Variants in NUTF2 observed in about 807,000 individuals in gnomAD.
NUTF2 encodes the protein nuclear transport factor 2, also known as placental protein 15.
NUTF2 carries 3 observed loss-of-function variants against 18.5 expected under a neutral mutation model. The ratio of observed to expected loss-of-function variants is 0.16; its 90% CI spans 0.07 to 0.42. The LOEUF (loss-of-function observed/expected upper bound fraction) is 0.42. Ranked by LOEUF, NUTF2 falls within the 10% of genes least tolerant of loss-of-function variation. The pLI is 0.99. For missense variants in NUTF2, 44 were observed against 160.7 expected (o/e 0.27, Z 3.93); for synonymous variants, 51 against 57.9 (o/e 0.88, Z 0.54).
At chr16:67,869,740 G>A (rs1392251072) in intron 4 of NUTF2, among the ~76,000 whole-genome samples, 1 of 152,150 alleles carries the variant, frequency 6.6e-6, no homozygotes, top group Non-Finnish European at 1.5e-5. Context: ...AGCTGAGATT[G>A]CACCATTGCA....
At chr16:67,848,611 G>A (rs57035397) in intron 1 of NUTF2, among the ~76,000 whole-genome samples, 1,980 of 151,768 alleles carry the variant, frequency 0.013, 27 homozygotes, top group African/African-American at 0.04. Context: ...GTGTGGTGGC[G>A]TGCACCTGTA....
chr16:67,863,958 G>T (rs1300145752), intron 1 of NUTF2, among the ~76,000 whole-genome samples: 2 of 152,196 alleles, frequency 1.3e-5, no homozygotes, highest in Non-Finnish European at 2.9e-5. Context: ...GAGAGAGACA[G>T]CTCCTTAGGG....
intron 1 of NUTF2, chr16:67,847,278 T>C (rs1479996240): frequency 6.6e-6 from 1 of 152,278 alleles, no homozygotes; most frequent in Non-Finnish European, 1.5e-5. Flanking sequence ...TTTTCTCTAG[T>C]CAGGACCGTC....
At position 67,865,293 on chromosome 16, in the gene NUTF2, T is replaced by C. The variant is rs964859478; in HGVS notation, c.99+64T>C. ...GATCAATTTGGATGTTGGGCCAGTG[T>C]GTCCAGTTCACAAGTTCTGGCAGCC... On this transcript the variant is annotated intron_variant, in intron 2 of 4. Coordinates refer to ENST00000219169, the MANE Select transcript of NUTF2 (RefSeq NM_005796.3). The C allele has an allele frequency of 3.4e-6, 4 of 1,181,726 alleles. No individual in the cohort carries two copies. In the African/African-American group the frequency reaches 4.5e-5, roughly 13 times the overall value. 73.2% of individuals were successfully genotyped at this position (1,181,726 alleles called of 1,614,324 possible).
At chr16:67,867,581 A>G (rs1377295911) in intron 2 of NUTF2, among the ~76,000 whole-genome samples, 1 of 152,112 alleles carries the variant, frequency 6.6e-6, no homozygotes, top group African/African-American at 2.4e-5. Context: ...GTCAGCCTCT[A>G]TCTCTCCCTG....
intron 1 of NUTF2, among the ~76,000 whole-genome samples, chr16:67,857,516 C>A (rs1395715654): frequency 6.6e-6 from 1 of 152,188 alleles, no homozygotes; most frequent in East Asian, 1.9e-4. Context: ...AGGCCATCTC[C>A]ATGGTGTGGG....
intron 1 of NUTF2, among the ~76,000 whole-genome samples, chr16:67,861,401 T>C (rs1462818725): frequency 6.6e-6 from 1 of 152,268 alleles, no homozygotes; most frequent in African/African-American, 2.4e-5. Flanking sequence ...TTCTGTTGTC[T>C]AACGGGATCT....
intron 2 of NUTF2, 112 bp downstream of exon 2, chr16:67,865,341 T>G (rs547197207): frequency 2.9e-6 from 2 of 700,390 alleles, no homozygotes; most frequent in Non-Finnish European, 5.0e-6. Context: ...GCTACACCTC[T>G]GTATCTGAAC....
chr16:67,851,372 T>G (rs949935258), intron 1 of NUTF2, among the ~76,000 whole-genome samples: 1 of 151,872 alleles, frequency 6.6e-6, no homozygotes, highest in Non-Finnish European at 1.5e-5. Flanking sequence ...TCCCAGCTAC[T>G]TGGGAGGCTG....
chr16:67,856,993 A>G (rs1322873572), intron 1 of NUTF2, among the ~76,000 whole-genome samples: 2 of 152,248 alleles, frequency 1.3e-5, no homozygotes, highest in African/African-American at 2.4e-5. Flanking sequence ...TTTGACTCAC[A>G]GGAGGTGTTC....
At position 67,868,596 on chromosome 16, in the gene NUTF2, T is replaced by C. The variant is rs1392607256; in HGVS notation, c.267T>C (p.Leu89=). 1.9e-6 allele frequency: 3 copies of C among 1,613,568 alleles called. No individual in the cohort carries two copies. Among genetic ancestry groups the C allele is most frequent in the Non-Finnish European group, 2.5e-6 (3 of 1,179,780 alleles). The change falls in exon 4 of 5, where the codon CTT becomes CTC. Residue 89 remains leucine, a synonymous_variant. Coordinates refer to ENST00000219169, the MANE Select transcript of NUTF2 (RefSeq NM_005796.3). ...TCATCAGCATGGTTGTGGGCCAGCT[T>C]AAGGTAATGGTACTGCCACAGTGGT... ...SCIISMVVGQ[L]KADEDPIMGF...
chr16:67,859,796 T>A (rs1408840750), intron 1 of NUTF2, among the ~76,000 whole-genome samples: 2 of 4,882 alleles, frequency 4.1e-4, no homozygotes, highest in Non-Finnish European at 2.9e-4. Flanking sequence ...GCGCCAGGCC[T>A]TTTTTTTTTT....
chr16:67,859,704 C>T (rs1263583913), intron 1 of NUTF2, among the ~76,000 whole-genome samples: 2 of 151,628 alleles, frequency 1.3e-5, no homozygotes, highest in African/African-American at 2.4e-5. Context: ...ATGTTGTGCC[C>T]AGGCTGGTCT....
At chr16:67,849,084 C>G (rs1323804982) in intron 1 of NUTF2, among the ~76,000 whole-genome samples, 1 of 152,172 alleles carries the variant, frequency 6.6e-6, no homozygotes, top group Non-Finnish European at 1.5e-5. Flanking sequence ...CTTTCCTAGT[C>G]CATATCCTGG....
chr16:67,855,918 C>G (rs2057893431), intron 1 of NUTF2: 1 of 542,128 alleles, frequency 1.8e-6, no homozygotes, highest in East Asian at 3.7e-5. Flanking sequence ...ATGAGAATAA[C>G]TTTATTTCAT....
At chr16:67,852,481 C>T (rs1023177025) in intron 1 of NUTF2, among the ~76,000 whole-genome samples, 7 of 151,902 alleles carry the variant, frequency 4.6e-5, no homozygotes, top group African/African-American at 7.2e-5. Flanking sequence ...GTCAACCTTC[C>T]GAGTGGCTGG....
At chr16:67,856,156 C>T (rs555900244) in intron 1 of NUTF2, 7 of 381,550 alleles carry the variant, frequency 1.8e-5, no homozygotes, top group African/African-American at 1.3e-4. Context: ...TGCTACTCCA[C>T]ATTGGCTCTC....
chr16:67,866,939 C>G (rs947838450), intron 2 of NUTF2, among the ~76,000 whole-genome samples: 1 of 151,448 alleles, frequency 6.6e-6, no homozygotes. Flanking sequence ...GTGATCTGAC[C>G]TGAGATCCTG....
intron 1 of NUTF2, among the ~76,000 whole-genome samples, chr16:67,863,765 G>A (rs2057950105): frequency 6.6e-6 from 1 of 152,200 alleles, no homozygotes; most frequent in African/African-American, 2.4e-5. Flanking sequence ...CTCTACAGTT[G>A]GGGCCATCCA....
Sources: allele counts gnomAD v4.1 joint callset (sites outside exome capture counted in the v4.1 genomes callset), GRCh38; gene constraint gnomAD v4.1.1; transcripts MANE v1.5; gene names NCBI Gene and HGNC (gene_info 2026-07-23, HGNC 2026-07-21).